Variants in GALK2 observed in about 807,000 individuals in gnomAD.
GALK2 encodes the protein galactokinase 2.
In GALK2, 36 loss-of-function variants were observed where a neutral mutation model predicts 52.4. That is an observed-to-expected ratio of 0.69 (90% CI 0.53 to 0.91). The LOEUF (loss-of-function observed/expected upper bound fraction) is 0.91, where lower values mean the gene tolerates loss of function less well. Among genes scored for constraint, GALK2 ranks in the 40% least tolerant of loss-of-function variants. The pLI, the probability that GALK2 is intolerant of heterozygous loss-of-function variation, is 0.00. For synonymous variants in GALK2, 176 were observed against 199.1 expected (o/e 0.88, Z 0.98); for missense variants, 579 against 559.1 (o/e 1.04, Z -0.36).
intron 5 of GALK2, among the ~76,000 whole-genome samples, chr15:49,261,074 T>G (rs2141624919): frequency 6.6e-6 from 1 of 151,782 alleles, no homozygotes; most frequent in East Asian, 1.9e-4. Context: ...CCATATGAAC[T>G]TTAAAGTAGT....
At chr15:49,282,627 T>C (rs966681921) in intron 6 of GALK2, among the ~76,000 whole-genome samples, 3 of 152,196 alleles carry the variant, frequency 2.0e-5, no homozygotes, top group African/African-American at 7.2e-5. Context: ...TGGATACCGC[T>C]TCCCCTTGGC....
chr15:49,355,521 A>T (rs1257141902), intron 3 of GALK2, among the ~76,000 whole-genome samples: 1 of 152,180 alleles, frequency 6.6e-6, no homozygotes, highest in Admixed American at 6.5e-5. Flanking sequence ...GAAATGAAGC[A>T]AGAAGGGAAG....
chr15:49,178,880 C>T (rs1011476220), intron 1 of GALK2: 1 of 153,802 alleles, frequency 6.5e-6, no homozygotes, highest in African/African-American at 2.4e-5. Flanking sequence ...GATATGTAGA[C>T]CTCTCATTAT....
At chr15:49,264,604 C>T (rs1286437804) in intron 5 of GALK2, among the ~76,000 whole-genome samples, 9 of 152,148 alleles carry the variant, frequency 5.9e-5, no homozygotes, top group African/African-American at 2.2e-4. Context: ...AGCTTTGTTC[C>T]ATTGCTGGTG....
intron 3 of GALK2, among the ~76,000 whole-genome samples, chr15:49,357,981 A>G (rs1185693175): frequency 6.6e-6 from 1 of 152,098 alleles, no homozygotes; most frequent in Non-Finnish European, 1.5e-5. Context: ...AGCCAAAGAC[A>G]AAAACCACAT....
chr15:49,217,845 G>A (rs562575115), intron 3 of GALK2, among the ~76,000 whole-genome samples: 1 of 152,162 alleles, frequency 6.6e-6, no homozygotes, highest in East Asian at 1.9e-4. Flanking sequence ...GCTTTATCAA[G>A]TTAACAAAGT....
chr15:49,215,949 G>A (rs184705523), intron 2 of GALK2, among the ~76,000 whole-genome samples: 222 of 152,254 alleles, frequency 1.5e-3, no homozygotes, highest in African/African-American at 5.0e-3. Context: ...TGGGCATATC[G>A]GCACAAGGAG....
At chr15:49,183,711 C>T (rs1646560659) in intron 1 of GALK2, among the ~76,000 whole-genome samples, 1 of 152,072 alleles carries the variant, frequency 6.6e-6, no homozygotes, top group Non-Finnish European at 1.5e-5. Context: ...GGCGTGGTGG[C>T]ACATGCCTGT....
At chr15:49,280,509 G>A (rs1050258538) in intron 5 of GALK2, among the ~76,000 whole-genome samples, 1 of 152,180 alleles carries the variant, frequency 6.6e-6, no homozygotes, top group African/African-American at 2.4e-5. Context: ...AGTGGTGGGA[G>A]AGCAGGCTGG....
chr15:49,265,019 C>T (rs1352214877), intron 5 of GALK2, among the ~76,000 whole-genome samples: 1 of 152,060 alleles, frequency 6.6e-6, no homozygotes, highest in African/African-American at 2.4e-5. Flanking sequence ...GCTTGGGGGT[C>T]AGGGGTCAGG....
intron 1 of GALK2, chr15:49,198,863 C>G (rs974046588): frequency 2.8e-5 from 4 of 144,430 alleles, no homozygotes. Flanking sequence ...CCCTCCCTCC[C>G]TTCCTTCCTT....
At chr15:49,218,152 G>GAA in intron 3 of GALK2, among the ~76,000 whole-genome samples, 1 of 152,212 alleles carries the variant, frequency 6.6e-6, no homozygotes, top group Admixed American at 6.5e-5. Flanking sequence ...CATGTATTCG[G>GAA]AAAATATTTT....
intron 5 of GALK2, among the ~76,000 whole-genome samples, chr15:49,264,212 A>C (rs1280907821): frequency 6.6e-6 from 1 of 151,594 alleles, no homozygotes; most frequent in African/African-American, 2.4e-5. Flanking sequence ...TACACCAATC[A>C]GACGTAGATT....
At chr15:49,175,355 A>G (rs577693849) in intron 1 of GALK2, among the ~76,000 whole-genome samples, 3 of 152,272 alleles carry the variant, frequency 2.0e-5, no homozygotes, top group African/African-American at 4.8e-5. Context: ...GGAGGTGTCC[A>G]ATAGCTGCTA....
intron 1 of GALK2, among the ~76,000 whole-genome samples, chr15:49,171,166 T>A (rs1033509182): frequency 1.4e-5 from 2 of 144,132 alleles, no homozygotes; most frequent in African/African-American, 5.0e-5. Flanking sequence ...CACCGCAACC[T>A]CCGCCTCCCA....
intron 8 of GALK2, among the ~76,000 whole-genome samples, chr15:49,301,933 A>G (rs2035148181): frequency 6.6e-6 from 1 of 152,224 alleles, no homozygotes; most frequent in Non-Finnish European, 1.5e-5. Flanking sequence ...AAAGAAAAAA[A>G]GAACAAAACA....
chr15:49,170,521 C>A, intron 1 of GALK2, 146 bp downstream of exon 1: 1 of 715,226 alleles, frequency 1.4e-6, no homozygotes, highest in South Asian at 1.8e-5. Context: ...GGACACGTGG[C>A]TGGGCTTGCA....
intron 1 of GALK2, chr15:49,195,020 ATGT>A (rs1342588662): frequency 2.3e-6 from 1 of 427,114 alleles, no homozygotes; most frequent in East Asian, 7.9e-5. Context: ...CATCTTTATG[ATGT>A]TGTATCATCT....
intron 8 of GALK2, among the ~76,000 whole-genome samples, chr15:49,300,367 G>A (rs964825937): frequency 2.0e-5 from 3 of 152,044 alleles, no homozygotes; most frequent in African/African-American, 7.2e-5. Flanking sequence ...ACAGCATGCA[G>A]TTGATTCTTG....
Sources: gnomAD v4.1 joint callset for allele counts (sites outside exome capture counted in the v4.1 genomes callset) on GRCh38, gnomAD v4.1.1 for gene constraint, MANE v1.5 for transcripts, NCBI Gene and HGNC (gene_info 2026-07-23, HGNC 2026-07-21) for gene names.